The following ANKS6 variants were observed in gnomAD, a reference collection of about 807,000 sequenced individuals.
The protein encoded by ANKS6 is ankyrin repeat and sterile alpha motif domain containing 6.
ANKS6 carries 47 observed loss-of-function variants against 77.9 expected under a neutral mutation model. That is an observed-to-expected ratio of 0.60 (90% CI 0.48 to 0.77). ANKS6 has a LOEUF of 0.77. ANKS6 is among the 30% of genes least tolerant of loss of function. The pLI is 0.00. For synonymous variants in ANKS6, 488 were observed against 501.7 expected (o/e 0.97, Z 0.37); for missense variants, 1,150 against 1,159.1 (o/e 0.99, Z 0.11).
At position 98,736,243 on chromosome 9, in the gene ANKS6, T is replaced by G; in HGVS notation, c.*276A>C. On this transcript the variant is annotated 3_prime_UTR_variant, in exon 15 of 15. Coordinates refer to ENST00000353234, the MANE Select transcript of ANKS6 (RefSeq NM_173551.5). ...CTCCCGGGGAGGGCAGAGCACAGGA[T>G]GAAAGGAGCTGAGTCCCTGCATCAC... 7.9e-7 allele frequency: 1 copy of G among 1,260,052 alleles called. No homozygotes were observed. The highest frequency in any genetic ancestry group is 1.0e-6 in the Non-Finnish European group (1 of 1,002,698). The allele number at this position is 1,260,052 out of a possible 1,614,324, so 78.1% of individuals were successfully genotyped here. A position where few individuals can be genotyped will look rare whatever the true frequency, so the allele number is the denominator to read the frequency against.
chr9:98,781,444 T>C (rs1834250174), intron 5 of ANKS6, among the ~76,000 whole-genome samples: 2 of 152,152 alleles, frequency 1.3e-5, no homozygotes, highest in South Asian at 2.1e-4. Context: ...TAACAAACTC[T>C]TGGCAAGTGA....
In ANKS6 at chr9:98,733,465, C is replaced by T. The variant is rs879063319; in HGVS notation, c.*3054G>A. On this transcript the variant is annotated 3_prime_UTR_variant, in exon 15 of 15. Transcript: ENST00000353234. ...GGACCCTGCCATCTCAAAGCAGGAC[C>T]GGTCCCCTGATGTCCCACTGCCAAG... 2.3e-5 allele frequency: 23 copies of T among 985,374 alleles called. No individual in the cohort carries two copies. In the South Asian group the frequency reaches 8.9e-4, roughly 38 times the overall value. The allele number at this position is 985,374 out of a possible 1,614,324, so 61.0% of individuals were successfully genotyped here.
chr9:98,746,914 G>T (rs369862205), intron 13 of ANKS6, among the ~76,000 whole-genome samples: 32 of 152,338 alleles, frequency 2.1e-4, no homozygotes, highest in African/African-American at 7.2e-4. Flanking sequence ...AGAACTGGCT[G>T]CCCACACCCA....
intron 2 of ANKS6, among the ~76,000 whole-genome samples, chr9:98,787,372 CTTT>C (rs564456975): frequency 2.5e-4 from 35 of 141,160 alleles, no homozygotes; most frequent in Non-Finnish European, 3.4e-4. Context: ...TTACACTGCC[CTTT>C]TTTTTTTTTT....
chr9:98,743,612 C>T (rs1453262205), intron 14 of ANKS6, among the ~76,000 whole-genome samples: 2 of 152,190 alleles, frequency 1.3e-5, no homozygotes, highest in African/African-American at 4.8e-5. Context: ...CACCACCTGC[C>T]TCTCCTTTAT....
chr9:98,742,494 CTA>C (rs1831891903), intron 14 of ANKS6, among the ~76,000 whole-genome samples: 1 of 152,240 alleles, frequency 6.6e-6, no homozygotes, highest in Non-Finnish European at 1.5e-5. Context: ...TGCCTTTTCT[CTA>C]TGACTCATGA....
chr9:98,771,587 T>C (rs1489477090), intron 9 of ANKS6, among the ~76,000 whole-genome samples: 3 of 152,216 alleles, frequency 2.0e-5, no homozygotes, highest in East Asian at 1.9e-4. Flanking sequence ...CTCCACCCTC[T>C]GCTTCGCTTG....
intron 14 of ANKS6, among the ~76,000 whole-genome samples, chr9:98,744,705 CAAAAAAAGA>C (rs1175440698): frequency 7.4e-5 from 11 of 148,258 alleles, no homozygotes; most frequent in Non-Finnish European, 1.3e-4. Context: ...GGAACAGCAA[CAAAAAAAGA>C]AAAAAAAGAG....
rs1564230396 is a variant in ANKS6 at position 98,791,350 on chromosome 9, C to T, written c.360-744G>A. Among the ~76,000 whole-genome samples the T allele has an allele frequency of 6.6e-6, 1 of 152,226 alleles. No homozygotes were observed. The highest frequency in any genetic ancestry group is 1.5e-5 in the Non-Finnish European group (1 of 68,050). On this transcript the variant is annotated intron_variant, in intron 1 of 14. Transcript: ENST00000353234. The surrounding 1 kb of genome is among the most constrained non-coding windows in gnomAD (Gnocchi z 4.3). ...CTGGAGGCCTGCTGCCACCTGCTGGCAGGAATGTTTGTTGCAGGCGGCTGA... is the reference window on the plus strand; with the variant it reads ...CTGGAGGCCTGCTGCCACCTGCTGGTAGGAATGTTTGTTGCAGGCGGCTGA...
At chr9:98,784,274 T>C in intron 3 of ANKS6, 117 bp from the exon 4 acceptor site, 3 of 957,324 alleles carry the variant, frequency 3.1e-6, no homozygotes, top group Non-Finnish European at 4.5e-6. Flanking sequence ...AGTGGGCTGC[T>C]GGGCATCATA....
intron 3 of ANKS6, chr9:98,784,533 C>A: frequency 7.1e-6 from 3 of 421,262 alleles, no homozygotes; most frequent in Non-Finnish European, 8.4e-6. Context: ...AGGCTAAATG[C>A]CTCTTTGTCA....
chr9:98,736,026 G>T lies in ANKS6; in HGVS notation c.*493C>A. On this transcript the variant is annotated 3_prime_UTR_variant, in exon 15 of 15. Transcript: ENST00000353234. The stretch of plus-strand genomic sequence containing the variant: ...CCCCCCATCTAAGTCAAAAGTTGTT[G>T]CTGGGAAGCCACTATGTGGAGACTG... 8.3e-7 allele frequency: 1 copy of T among 1,203,548 alleles called. No homozygotes were observed. The highest frequency in any genetic ancestry group is 1.0e-6 in the Non-Finnish European group (1 of 970,748). 74.6% of individuals were successfully genotyped at this position (1,203,548 alleles called of 1,614,324 possible).
At position 98,733,639 on chromosome 9, in the gene ANKS6, A is replaced by C; in HGVS notation, c.*2880T>G. The C allele has an allele frequency of 1.0e-6, 1 of 985,448 alleles. No homozygotes were observed. Among genetic ancestry groups the C allele is most frequent in the South Asian group, 4.7e-5 (1 of 21,286 alleles). 61.0% of individuals were successfully genotyped at this position (985,448 alleles called of 1,614,324 possible). A position where few individuals can be genotyped will look rare whatever the true frequency, so the allele number is the denominator to read the frequency against. On this transcript the variant is annotated 3_prime_UTR_variant, in exon 15 of 15. Coordinates refer to ENST00000353234, the MANE Select transcript of ANKS6 (RefSeq NM_173551.5). ...GTCCAAGGAATTCCAGTCTTGCAAA[A>C]GCACCTTGGAGAAGTGATGAGAGTA...
chr9:98,733,464 C>G lies in ANKS6; in HGVS notation c.*3055G>C. On this transcript the variant is annotated 3_prime_UTR_variant, in exon 15 of 15. Coordinates refer to ENST00000353234, the MANE Select transcript of ANKS6 (RefSeq NM_173551.5). ...GGGACCCTGCCATCTCAAAGCAGGACCGGTCCCCTGATGTCCCACTGCCAA... is the reference window on the plus strand; with the variant it reads ...GGGACCCTGCCATCTCAAAGCAGGAGCGGTCCCCTGATGTCCCACTGCCAA... The G allele has an allele frequency of 3.0e-6, 3 of 985,504 alleles. No individual in the cohort carries two copies. The highest frequency in any genetic ancestry group is 3.6e-6 in the Non-Finnish European group (3 of 830,012). The allele number at this position is 985,504 out of a possible 1,614,324, so 61.0% of individuals were successfully genotyped here.
intron 12 of ANKS6, among the ~76,000 whole-genome samples, chr9:98,755,204 G>C (rs1832629815): frequency 6.6e-6 from 1 of 152,138 alleles, no homozygotes; most frequent in Non-Finnish European, 1.5e-5. Flanking sequence ...AACTTATCTT[G>C]CTCAGCAGAA....
At chr9:98,790,027 T>G in intron 2 of ANKS6, 77 bp downstream of exon 2, 1 of 1,496,834 alleles carries the variant, frequency 6.7e-7, no homozygotes, top group South Asian at 1.3e-5. Context: ...GTCCTTCCAG[T>G]AGAGCAATCC....
chr9:98,758,965 C>T (rs1228836660), intron 11 of ANKS6, among the ~76,000 whole-genome samples: 1 of 152,158 alleles, frequency 6.6e-6, no homozygotes, highest in African/African-American at 2.4e-5. Flanking sequence ...TCTCCTCCAC[C>T]TCCTACAATG....
intron 10 of ANKS6, among the ~76,000 whole-genome samples, chr9:98,768,834 T>C (rs998637744): frequency 3.9e-5 from 6 of 152,134 alleles, no homozygotes; most frequent in Non-Finnish European, 8.8e-5. Flanking sequence ...CCTTGAACTA[T>C]TATAAAATAA....
intron 11 of ANKS6, among the ~76,000 whole-genome samples, chr9:98,757,048 C>G (rs1260890998): frequency 6.6e-6 from 1 of 152,184 alleles, no homozygotes; most frequent in East Asian, 1.9e-4. Context: ...GTATTCTTCC[C>G]TTTTTCTCAT....
Sources: gnomAD v4.1 joint callset for allele counts (sites outside exome capture counted in the v4.1 genomes callset) on GRCh38, gnomAD v4.1.1 for gene constraint, Gnocchi (gnomAD v3.1) non-coding constraint, MANE v1.5 for transcripts, NCBI Gene and HGNC (gene_info 2026-07-23, HGNC 2026-07-21) for gene names.